Variants in MAK observed in about 807,000 individuals in gnomAD.
The protein encoded by MAK is serine/threonine-protein kinase MAK.
A neutral mutation model predicts 82.6 loss-of-function variants in MAK; 65 were observed. That is an observed-to-expected ratio of 0.79 (90% CI 0.64 to 0.97). The LOEUF (loss-of-function observed/expected upper bound fraction) is 0.97. Among genes scored for constraint, MAK ranks in the 50% least tolerant of loss-of-function variants. The pLI is 0.00. For synonymous variants in MAK, 250 were observed against 274.2 expected, an observed-to-expected ratio of 0.91 and a Z score of 0.87; for missense variants, 703 against 780.2, an observed-to-expected ratio of 0.90 and a Z score of 1.18.
intron 4 of MAK, among the ~76,000 whole-genome samples, chr6:10,815,772 TAATA>T (rs1561991378): frequency 6.6e-6 from 1 of 151,860 alleles, no homozygotes; most frequent in Non-Finnish European, 1.5e-5. Context: ...TAAAAATTAT[TAATA>T]AATTTGTTTT....
intron 14 of MAK, among the ~76,000 whole-genome samples, chr6:10,769,483 G>C (rs1386773847): frequency 6.6e-6 from 1 of 152,184 alleles, no homozygotes; most frequent in Non-Finnish European, 1.5e-5. Flanking sequence ...CTGGAGGGTG[G>C]AGGGATAAAC....
At chr6:10,781,584 C>T (rs993221390) in intron 11 of MAK, among the ~76,000 whole-genome samples, 1 of 151,836 alleles carries the variant, frequency 6.6e-6, no homozygotes, top group African/African-American at 2.4e-5. Flanking sequence ...ACACCACGCC[C>T]GGCTAATTAC....
intron 2 of MAK, among the ~76,000 whole-genome samples, chr6:10,819,492 C>CGCA (rs1777762075): frequency 6.6e-6 from 1 of 152,060 alleles, no homozygotes; most frequent in Non-Finnish European, 1.5e-5. Flanking sequence ...ATTAGCTGGG[C>CGCA]GTGGTGGCAG....
In MAK at chr6:10,794,835, A is replaced by C. The variant is rs991069039; in HGVS notation, c.1143+1163T>G. On this transcript the variant is annotated intron_variant, in intron 9 of 14. Coordinates refer to ENST00000354489, the MANE Select transcript of MAK (RefSeq NM_001242957.3). Reference sequence around the variant, plus strand: ...TGGAGAAACCCCATCTCTACTAAAAATACAAAATTAGCTGGGCATGGTGGC... The same window carrying C: ...TGGAGAAACCCCATCTCTACTAAAACTACAAAATTAGCTGGGCATGGTGGC... Among the ~76,000 whole-genome samples, 6 of 151,924 alleles carry C rather than the reference A, an allele frequency of 3.9e-5. No individual in the cohort carries two copies. The South Asian group carries it at 1.0e-3, about 26-fold the overall frequency.
intron 6 of MAK, among the ~76,000 whole-genome samples, chr6:10,807,932 G>C (rs1776619833): frequency 6.6e-6 from 1 of 152,056 alleles, no homozygotes; most frequent in African/African-American, 2.4e-5. Context: ...GCTGGGCATG[G>C]TGATGGGTGC....
At chr6:10,778,694 C>G (rs377597035) in intron 11 of MAK, among the ~76,000 whole-genome samples, 1 of 151,934 alleles carries the variant, frequency 6.6e-6, no homozygotes, top group South Asian at 2.1e-4. Flanking sequence ...GCAGGCCACA[C>G]AGGATTTTGT....
At chr6:10,789,723 T>A (rs973763015) in intron 10 of MAK, among the ~76,000 whole-genome samples, 12 of 152,216 alleles carry the variant, frequency 7.9e-5, no homozygotes, top group Admixed American at 7.9e-4. Flanking sequence ...AGTGGCACAA[T>A]CTCGGCTCAC....
intron 10 of MAK, among the ~76,000 whole-genome samples, chr6:10,786,231 C>G (rs1273965948): frequency 6.6e-6 from 1 of 152,130 alleles, no homozygotes; most frequent in Non-Finnish European, 1.5e-5. Context: ...GCGACAAGAG[C>G]AAAGCTCCAT....
intron 4 of MAK, 118 bp downstream of exon 4, chr6:10,817,732 G>T: frequency 1.2e-6 from 1 of 818,136 alleles, no homozygotes; most frequent in Non-Finnish European, 1.9e-6. Context: ...AACAGAACTG[G>T]TTAATTTAAA....
intron 6 of MAK, among the ~76,000 whole-genome samples, chr6:10,807,345 T>C (rs886963438): frequency 1.4e-5 from 2 of 142,388 alleles, no homozygotes; most frequent in African/African-American, 5.3e-5. Flanking sequence ...CCTTTTTTTT[T>C]TTTTTTTTTT....
intron 10 of MAK, among the ~76,000 whole-genome samples, chr6:10,789,131 C>T (rs1037911174): frequency 6.8e-6 from 1 of 146,728 alleles, no homozygotes; most frequent in Non-Finnish European, 1.5e-5. Context: ...GACCTGGAAA[C>T]GGATTGCCTA....
At chr6:10,828,008 A>C (rs1228971182) in intron 2 of MAK, among the ~76,000 whole-genome samples, 2 of 152,198 alleles carry the variant, frequency 1.3e-5, no homozygotes, top group Admixed American at 6.5e-5. Flanking sequence ...GTTTTTTAAG[A>C]AATCAATGTT....
At chr6:10,775,057 A>T (rs796125183) in intron 12 of MAK, among the ~76,000 whole-genome samples, 1 of 152,284 alleles carries the variant, frequency 6.6e-6, no homozygotes, top group African/African-American at 2.4e-5. Flanking sequence ...GGCTCAAGGG[A>T]CCTGCCCACC....
chr6:10,827,994 A>C (rs1315380246), intron 2 of MAK, among the ~76,000 whole-genome samples: 1 of 152,154 alleles, frequency 6.6e-6, no homozygotes, highest in Admixed American at 6.6e-5. Flanking sequence ...AGGCTTTATC[A>C]TAAGTTTTTT....
In MAK at chr6:10,802,109, T is replaced by C. The variant is rs777764778; in HGVS notation, c.664-50A>G. ...GGTGGGGAGGGCAAAACAAATTGTT[T>C]TTAGTAATCCATTTAAAAAACACAG... On this transcript the variant is annotated intron_variant, in intron 7 of 14. Transcript: ENST00000354489. 2.0e-6 allele frequency: 3 copies of C among 1,482,102 alleles called. No homozygotes were observed. In the African/African-American group the frequency reaches 4.2e-5, roughly 21 times the overall value. 91.8% of individuals were successfully genotyped at this position (1,482,102 alleles called of 1,614,324 possible).
intron 13 of MAK, among the ~76,000 whole-genome samples, chr6:10,771,390 C>T (rs773188069): frequency 3.9e-5 from 6 of 152,216 alleles, no homozygotes; most frequent in Middle Eastern, 3.4e-3. Flanking sequence ...GGACCAGCAC[C>T]GCCCCTGGGA....
At chr6:10,783,449 T>A (rs1156541153) in intron 11 of MAK, among the ~76,000 whole-genome samples, 1 of 152,162 alleles carries the variant, frequency 6.6e-6, no homozygotes, top group Non-Finnish European at 1.5e-5. Context: ...TAATCTTCCC[T>A]TTCTCAGCTA....
rs1174563327 is a variant in MAK, at chr6:10,783,755, T to G, written c.1465+669A>C. 2.6e-5 allele frequency among the ~76,000 whole-genome samples: 4 copies of G among 152,202 alleles called. No homozygotes were observed. The East Asian group carries it at 7.7e-4, about 29-fold the overall frequency. ...CACCAGATTGGCTGGGCACAGTGGC[T>G]CACGCCTGTCATCTCAGCACTTTGG... On this transcript the variant is annotated intron_variant, in intron 11 of 14. Coordinates refer to ENST00000354489, the MANE Select transcript of MAK (RefSeq NM_001242957.3).
At chr6:10,818,745 G>A in intron 3 of MAK, 141 bp downstream of exon 3, 1 of 657,070 alleles carries the variant, frequency 1.5e-6, no homozygotes, top group Middle Eastern at 4.1e-4. Context: ...CAGAAGAAAT[G>A]AGAAATTAAT....
Sources: gnomAD v4.1 joint callset for allele counts (sites outside exome capture counted in the v4.1 genomes callset) on GRCh38, gnomAD v4.1.1 for gene constraint, MANE v1.5 for transcripts, NCBI Gene and HGNC (gene_info 2026-07-23, HGNC 2026-07-21) for gene names.